Variants in NUP93 observed in about 807,000 individuals in gnomAD.
NUP93 encodes nuclear pore complex protein Nup93.
NUP93 carries 55 observed loss-of-function variants against 107.8 expected under a neutral mutation model. The ratio of observed to expected loss-of-function variants is 0.51; its 90% CI spans 0.41 to 0.64. The LOEUF is 0.64. Ranked by LOEUF, NUP93 falls within the 30% of genes least tolerant of loss-of-function variation. NUP93 has a pLI of 0.00. For synonymous variants in NUP93, 390 were observed against 397.5 expected (o/e 0.98, Z 0.22); for missense variants, 937 against 1,044.7 (o/e 0.90, Z 1.42).
At chr16:56,831,786 C>T (rs1408791995) in intron 10 of NUP93, 56 bp from the exon 11 acceptor site, 3 of 1,565,524 alleles carry the variant, frequency 1.9e-6, no homozygotes, top group Non-Finnish European at 8.7e-7. Flanking sequence ...CTTTCAGATG[C>T]CCTTGAGGAT....
chr16:56,765,444 G>A (rs1962200121), intron 3 of NUP93, among the ~76,000 whole-genome samples: 1 of 152,170 alleles, frequency 6.6e-6, no homozygotes, highest in African/African-American at 2.4e-5. Context: ...ACAACCTATA[G>A]TTAATGCTCC....
chr16:56,763,047 G>T (rs1401740934), intron 3 of NUP93, among the ~76,000 whole-genome samples: 3 of 152,122 alleles, frequency 2.0e-5, no homozygotes, highest in African/African-American at 4.8e-5. Flanking sequence ...CAGAGGTTGG[G>T]ACTTGGACAT....
rs757001403 is a variant in NUP93, at chr16:56,818,649, T to C, written c.490-15T>C. On this transcript the variant is annotated splice_polypyrimidine_tract_variant and intron_variant, in intron 5 of 21. Coordinates refer to ENST00000308159, the MANE Select transcript of NUP93 (RefSeq NM_014669.5). ...TACTGTCCCTAACTGATTCTGAATG[T>C]GTATTTATCCACAGCCAAGCTACAT... 1 of 1,607,372 alleles carries C rather than the reference T, an allele frequency of 6.2e-7. No homozygotes were observed. The highest frequency in any genetic ancestry group is 8.5e-7 in the Non-Finnish European group (1 of 1,174,178).
chr16:56,731,040 C>T (rs960949389), intron 1 of NUP93, among the ~76,000 whole-genome samples: 31 of 151,870 alleles, frequency 2.0e-4, no homozygotes, highest in African/African-American at 7.5e-4. Context: ...AGCTTTTCTT[C>T]TTTATTTTTT....
rs560449074 is a variant in NUP93, at chr16:56,847,441, G to A, written c.*2832G>A. On this transcript the variant is annotated 3_prime_UTR_variant, in exon 22 of 22. Transcript: ENST00000308159. ...AGAAACTAAGAGAAAGTGGCACTAG[G>A]CGTCTTGTCTTCCAGATGTGAGATT... 2 of 152,174 alleles carry A rather than the reference G, an allele frequency of 1.3e-5. No individual in the cohort carries two copies. The highest frequency in any genetic ancestry group is 1.5e-5 in the Non-Finnish European group (1 of 68,028). The allele number at this position is 152,174 out of a possible 1,614,324, so 9.4% of individuals were successfully genotyped here. A position where few individuals can be genotyped will look rare whatever the true frequency, so the allele number is the denominator to read the frequency against.
chr16:56,827,044 C>CAAAAAAAAA (rs1188027635), intron 8 of NUP93, among the ~76,000 whole-genome samples: 3,425 of 53,396 alleles, frequency 0.064, 438 homozygotes, highest in Middle Eastern at 0.094. Context: ...GACTCCGTCT[C>CAAAAAAAAA]AAAAAAAAAA....
At position 56,827,069 on chromosome 16, in the gene NUP93, A is replaced by AAAAT. The variant is rs1430722800; in HGVS notation, c.795-1908_795-1907insAAAT. ...CAAAAAAAAAAAAAAAAAAAAAAAAATTTTGTTGAGTCTGTTTCCTGTTAT... is the reference window on the plus strand; with the variant it reads ...CAAAAAAAAAAAAAAAAAAAAAAAAAAAATTTTTGTTGAGTCTGTTTCCTGTTAT... On this transcript the variant is annotated intron_variant, in intron 8 of 21. Coordinates refer to ENST00000308159, the MANE Select transcript of NUP93 (RefSeq NM_014669.5). Among the ~76,000 whole-genome samples the AAAAT allele has an allele frequency of 6.4e-5, 8 of 125,690 alleles. 1 individual carries two copies. The highest frequency in any genetic ancestry group is 2.8e-4 in the Admixed American group (3 of 10,586). 82.5% of individuals were successfully genotyped at this position (125,690 alleles called of 152,430 possible). A position where few individuals can be genotyped will look rare whatever the true frequency, so the allele number is the denominator to read the frequency against.
rs1185924103 is a variant in NUP93, at chr16:56,818,714, C to G, written c.540C>G (p.Asn180Lys). The change falls in exon 6 of 22, where the codon AAC (asparagine) becomes AAG (lysine). Residue 180 changes from asparagine (N) to lysine (K), a missense_variant. Transcript: ENST00000308159. ...CCCCTGGTCGAAGCTCTCTGGATAA[C>G]ATCGAGATGGCCTATGCGCGGCAAG... ...VGPPGRSSLD[N>K]IEMAYARQIY... The G allele has an allele frequency of 1.2e-6, 2 of 1,614,124 alleles. No homozygotes were observed. Among genetic ancestry groups the G allele is most frequent in the Admixed American group, 3.3e-5 (2 of 60,022 alleles).
chr16:56,792,385 CTA>C (rs1375602393), intron 3 of NUP93, among the ~76,000 whole-genome samples: 19 of 152,132 alleles, frequency 1.2e-4, no homozygotes, highest in Non-Finnish European at 2.8e-4. Flanking sequence ...CCTTGATTTG[CTA>C]TGATGAGAGA....
chr16:56,769,798 T>C (rs1481934215), intron 3 of NUP93, among the ~76,000 whole-genome samples: 2 of 152,240 alleles, frequency 1.3e-5, no homozygotes, highest in South Asian at 2.1e-4. Context: ...TACTGAACTA[T>C]TGATTGTTGA....
chr16:56,839,009 T>A lies in NUP93; in HGVS notation c.2076T>A (p.Leu692=), dbSNP rs763824746. The change falls in exon 19 of 22, where the codon CTT becomes CTA. Residue 692 remains leucine, a synonymous_variant. Coordinates refer to ENST00000308159, the MANE Select transcript of NUP93 (RefSeq NM_014669.5). The part of the protein sequence containing the change: ...NKFVDSTFYL[L]LDLITFFDEY... ...TTGTGGACTCCACGTTCTATCTTCT[T>A]TTGGACTTGATCACCTTTTTTGACG... 4.3e-6 allele frequency: 7 copies of A among 1,614,188 alleles called. No homozygotes were observed. Among genetic ancestry groups the A allele is most frequent in the Non-Finnish European group, 5.9e-6 (7 of 1,180,028 alleles).
intron 16 of NUP93, 73 bp downstream of exon 16, chr16:56,834,851 G>C: frequency 8.3e-7 from 1 of 1,211,908 alleles, no homozygotes; most frequent in Non-Finnish European, 1.2e-6. Flanking sequence ...AATACACTTA[G>C]ATTTTAAGAT....
intron 5 of NUP93, among the ~76,000 whole-genome samples, chr16:56,808,221 CT>C (rs1963203782): frequency 4.0e-5 from 2 of 49,610 alleles, no homozygotes; most frequent in African/African-American, 1.7e-4. Flanking sequence ...AGTTATGTAA[CT>C]ATATAAAATA....
intron 20 of NUP93, among the ~76,000 whole-genome samples, chr16:56,841,333 G>C (rs779447657): frequency 1.3e-5 from 2 of 150,896 alleles, no homozygotes; most frequent in Non-Finnish European, 2.9e-5. Flanking sequence ...CTGTGGAGAA[G>C]TAGCGTGTGC....
chr16:56,797,650 A>G lies in NUP93; in HGVS notation c.298-826A>G, dbSNP rs117447792. ...ACTAATGGAAGTCACCAACAGATCT[A>G]AATCTAATCGATCCTAATAATAGAG... is the stretch of plus-strand genomic sequence containing the variant. On this transcript the variant is annotated intron_variant, in intron 3 of 21. Coordinates refer to ENST00000308159, the MANE Select transcript of NUP93 (RefSeq NM_014669.5). Among the ~76,000 whole-genome samples the G allele has an allele frequency of 5.7e-3, 876 of 152,358 alleles. 15 individuals are homozygous for G. Among genetic ancestry groups the G allele is most frequent in the Admixed American group, 0.045 (692 of 15,302 alleles).
intron 2 of NUP93, among the ~76,000 whole-genome samples, chr16:56,755,397 G>A (rs1488540643): frequency 6.6e-5 from 10 of 151,400 alleles, no homozygotes; most frequent in East Asian, 1.9e-4. Flanking sequence ...GCATTTATGA[G>A]CAATGTCCAG....
intron 9 of NUP93, among the ~76,000 whole-genome samples, chr16:56,829,869 G>C (rs1392160056): frequency 6.6e-6 from 1 of 152,210 alleles, no homozygotes; most frequent in African/African-American, 2.4e-5. Context: ...GTTGAGGGAA[G>C]GGTGGAAGTG....
At chr16:56,775,093 G>A (rs1310710316) in intron 3 of NUP93, among the ~76,000 whole-genome samples, 1 of 151,898 alleles carries the variant, frequency 6.6e-6, no homozygotes, top group Admixed American at 6.6e-5. Context: ...TAGAGATGGG[G>A]TTTCACCATG....
rs149661124 is a variant in NUP93, at chr16:56,732,622, C to T, written c.-15+2411C>T. Reference sequence around the variant, plus strand: ...GATGTGGTGAGCCTGAGGGTCTGAACCAGCCTCTTCATAGACTGATGTAGA... The same window carrying T: ...GATGTGGTGAGCCTGAGGGTCTGAATCAGCCTCTTCATAGACTGATGTAGA... On this transcript the variant is annotated intron_variant, in intron 1 of 21. Transcript: ENST00000308159. Among the ~76,000 whole-genome samples, 15 of 152,202 alleles carry T rather than the reference C, an allele frequency of 9.9e-5. No individual in the cohort carries two copies. The East Asian group carries it at 2.9e-3, about 29-fold the overall frequency.
Sources: gnomAD v4.1 joint callset for allele counts (sites outside exome capture counted in the v4.1 genomes callset) on GRCh38, gnomAD v4.1.1 for gene constraint, MANE v1.5 for transcripts, NCBI Gene and HGNC (gene_info 2026-07-23, HGNC 2026-07-21) for gene names.